Variants in AFG2A observed in about 807,000 individuals in gnomAD.
AFG2A encodes the protein ATPase family gene 2 protein homolog A.
At chr4:123,259,987 GC>G in the AFG2A span, 1 of 152,144 alleles carries the variant, frequency 6.6e-6, no homozygotes, top group Non-Finnish European at 1.5e-5. Context: ...AGGGAGTCAG[GC>G]CCTTCTTGGC....
At chr4:123,001,996 G>A in the AFG2A span, among the ~76,000 whole-genome samples, 2 of 152,120 alleles carry the variant, frequency 1.3e-5, no homozygotes, top group African/African-American at 4.8e-5. Flanking sequence ...TCTTGTAATG[G>A]GTTCATATAT....
chr4:123,103,125 G>A, the AFG2A span, among the ~76,000 whole-genome samples: 56 of 152,080 alleles, frequency 3.7e-4, 1 homozygote, highest in South Asian at 0.011. Context: ...GCTCTACTGC[G>A]TTTAGAGGCT....
the AFG2A span, among the ~76,000 whole-genome samples, chr4:123,135,889 A>G: frequency 6.6e-6 from 1 of 152,188 alleles, no homozygotes; most frequent in African/African-American, 2.4e-5. Context: ...CATAAACCCA[A>G]TAAAGTTGCA....
At chr4:123,020,369 GT>G in the AFG2A span, among the ~76,000 whole-genome samples, 81 of 141,986 alleles carry the variant, frequency 5.7e-4, no homozygotes, top group Middle Eastern at 3.6e-3. Flanking sequence ...TGTGTATGTG[GT>G]TTTTTTTTTT....
the AFG2A span, among the ~76,000 whole-genome samples, chr4:123,193,236 T>A: frequency 6.6e-6 from 1 of 152,210 alleles, no homozygotes; most frequent in East Asian, 1.9e-4. Context: ...GGCTGTTGTT[T>A]ATGCACGTAC....
the AFG2A span, among the ~76,000 whole-genome samples, chr4:123,199,486 T>C: frequency 6.9e-6 from 1 of 144,408 alleles, no homozygotes; most frequent in East Asian, 2.0e-4. Flanking sequence ...TTTTTTTTTT[T>C]TTTGAGATGG....
the AFG2A span, among the ~76,000 whole-genome samples, chr4:122,937,219 C>T: frequency 6.6e-6 from 1 of 152,128 alleles, no homozygotes; most frequent in Non-Finnish European, 1.5e-5. Context: ...TATGTTTGAC[C>T]AAGTTATAGA....
At chr4:123,234,775 G>A in the AFG2A span, among the ~76,000 whole-genome samples, 1 of 152,046 alleles carries the variant, frequency 6.6e-6, no homozygotes, top group Non-Finnish European at 1.5e-5. Context: ...TTCTTTTGGT[G>A]TTGATTATGG....
At chr4:123,316,993 A>C in the AFG2A span, 1 of 152,228 alleles carries the variant, frequency 6.6e-6, no homozygotes, top group Non-Finnish European at 1.5e-5. Flanking sequence ...TGGGAGGCCG[A>C]GGCAGGCGGA....
the AFG2A span, among the ~76,000 whole-genome samples, chr4:123,007,540 A>ATGTG: frequency 9.2e-6 from 1 of 108,334 alleles, no homozygotes; most frequent in Admixed American, 9.5e-5. Context: ...ATATATATAT[A>ATGTG]TGTGTATGTA....
the AFG2A span, among the ~76,000 whole-genome samples, chr4:123,152,402 T>G: frequency 6.6e-6 from 1 of 152,262 alleles, no homozygotes; most frequent in East Asian, 1.9e-4. Context: ...ACAAAGAGCT[T>G]TTGAAATTCA....
chr4:122,977,205 A>G, the AFG2A span, among the ~76,000 whole-genome samples: 1 of 152,274 alleles, frequency 6.6e-6, no homozygotes, highest in South Asian at 2.1e-4. Flanking sequence ...CCCGAGTTAT[A>G]TCCTCGGGCC....
chr4:123,121,569 A>G, the AFG2A span, among the ~76,000 whole-genome samples: 1 of 152,188 alleles, frequency 6.6e-6, no homozygotes, highest in African/African-American at 2.4e-5. Context: ...ATATGTTTAG[A>G]CACAAATACC....
chr4:123,238,853 G>A, the AFG2A span, among the ~76,000 whole-genome samples: 1 of 152,318 alleles, frequency 6.6e-6, no homozygotes, highest in South Asian at 2.1e-4. Flanking sequence ...GCTGACAGAA[G>A]TGGGATTCAG....
chr4:123,018,097 G>T, the AFG2A span, among the ~76,000 whole-genome samples: 1 of 151,864 alleles, frequency 6.6e-6, no homozygotes, highest in Non-Finnish European at 1.5e-5. Flanking sequence ...TTGAATTTTT[G>T]TTGTTGTTGT....
At chr4:123,002,879 G>T in the AFG2A span, among the ~76,000 whole-genome samples, 1 of 152,238 alleles carries the variant, frequency 6.6e-6, no homozygotes, top group African/African-American at 2.4e-5. Context: ...AAGTTCTCCT[G>T]GATAATATCC....
At chr4:123,081,441 C>T in the AFG2A span, among the ~76,000 whole-genome samples, 1 of 152,140 alleles carries the variant, frequency 6.6e-6, no homozygotes, top group Non-Finnish European at 1.5e-5. Flanking sequence ...TTTAATATTC[C>T]TCCATGCCTT....
At chr4:123,058,245 A>C in the AFG2A span, among the ~76,000 whole-genome samples, 1 of 152,206 alleles carries the variant, frequency 6.6e-6, no homozygotes, top group Non-Finnish European at 1.5e-5. Context: ...AGACCTCACA[A>C]TCATGGTGGA....
At chr4:123,159,027 T>C in the AFG2A span, among the ~76,000 whole-genome samples, 25 of 152,348 alleles carry the variant, frequency 1.6e-4, no homozygotes, top group Middle Eastern at 6.8e-3. Context: ...GAGGTTAACA[T>C]GGATTAGAGA....
Sources: allele counts gnomAD v4.1 joint callset (sites outside exome capture counted in the v4.1 genomes callset), GRCh38; gene constraint gnomAD v4.1.1; transcripts MANE v1.5; gene names NCBI Gene and HGNC (gene_info 2026-07-23, HGNC 2026-07-21).